The following DEPDC1B variants were observed in gnomAD, a reference collection of about 807,000 sequenced individuals.
The protein encoded by DEPDC1B is DEP domain containing 1B.
In DEPDC1B, 51 loss-of-function variants were observed where a neutral mutation model predicts 66.5. The observed-to-expected ratio is 0.77, with a 90% CI of 0.61 to 0.97. The LOEUF (loss-of-function observed/expected upper bound fraction) is 0.97, where lower values mean the gene tolerates loss of function less well. Among genes scored for constraint, DEPDC1B ranks in the 50% least tolerant of loss-of-function variants. DEPDC1B has a pLI of 0.00. For missense variants in DEPDC1B, 552 were observed against 637.1 expected (o/e 0.87, Z 1.44); for synonymous variants, 226 against 223.6 (o/e 1.01, Z -0.10).
At position 60,700,076 on chromosome 5, in the gene DEPDC1B, C is replaced by G. The variant is rs756907574; in HGVS notation, c.18G>C (p.Val6=). 1.9e-6 allele frequency: 3 copies of G among 1,557,782 alleles called. No homozygotes were observed. Among genetic ancestry groups the G allele is most frequent in the South Asian group, 1.2e-5 (1 of 84,620 alleles). MEHRI[V]GPGPYRATRL... ...TGGTAGCTCGGTACGGCCCGGGCCC[C>G]ACGATGCGATGCTCCATGGCGCGTA... The change falls in exon 1 of 11, where the codon GTG becomes GTC. Residue 6 remains valine (V), a synonymous_variant. Transcript: ENST00000265036.
chr5:60,630,231 T>C (rs1179595184), intron 7 of DEPDC1B, among the ~76,000 whole-genome samples: 1 of 152,240 alleles, frequency 6.6e-6, no homozygotes, highest in Non-Finnish European at 1.5e-5. Flanking sequence ...TCAGATGTTC[T>C]TTCAAAAAAT....
chr5:60,612,667 T>C lies in DEPDC1B; in HGVS notation c.899-6811A>G, dbSNP rs1016761432. Reference sequence around the variant, plus strand: ...AACACACAGAAGTATTTATAGGTGATAGAACATTTGATTAGCAATTTACTT... The same window carrying C: ...AACACACAGAAGTATTTATAGGTGACAGAACATTTGATTAGCAATTTACTT... On this transcript the variant is annotated intron_variant, in intron 7 of 10. Transcript: ENST00000265036. Among the ~76,000 whole-genome samples the C allele has an allele frequency of 8.5e-5, 12 of 141,626 alleles. No homozygotes were observed. The South Asian group carries it at 1.3e-3, about 16-fold the overall frequency. The allele number at this position is 141,626 out of a possible 152,430, so 92.9% of individuals were successfully genotyped here.
Position 60,687,238 on chromosome 5 carries a change from G to A in DEPDC1B, c.49-11C>T. 6.3e-7 allele frequency: 1 copy of A among 1,594,088 alleles called. No homozygotes were observed. The highest frequency in any genetic ancestry group is 8.6e-7 in the Non-Finnish European group (1 of 1,165,898). ...CACGGTCTCATTCCACTAGGGGAAA[G>A]AAAGAGAATGGCATTTAGTAATCAA... is the stretch of plus-strand genomic sequence containing the variant. On this transcript the variant is annotated splice_polypyrimidine_tract_variant and intron_variant, in intron 1 of 10. Transcript: ENST00000265036.
chr5:60,635,088 C>T (rs1753015379), intron 7 of DEPDC1B, among the ~76,000 whole-genome samples: 2 of 150,890 alleles, frequency 1.3e-5, no homozygotes, highest in African/African-American at 4.9e-5. Context: ...AAAACTCCGG[C>T]CATAAGCCCT....
chr5:60,696,657 C>A (rs1393145838), intron 1 of DEPDC1B, among the ~76,000 whole-genome samples: 1 of 151,948 alleles, frequency 6.6e-6, no homozygotes. Flanking sequence ...ATCTTTACAA[C>A]AAATGGAACA....
intron 2 of DEPDC1B, among the ~76,000 whole-genome samples, chr5:60,660,455 C>A (rs1020230261): frequency 3.9e-5 from 6 of 152,126 alleles, no homozygotes; most frequent in African/African-American, 1.4e-4. Context: ...CACTCCAATA[C>A]CACTTTGTTG....
At chr5:60,627,809 A>T (rs1752836368) in intron 7 of DEPDC1B, among the ~76,000 whole-genome samples, 1 of 151,860 alleles carries the variant, frequency 6.6e-6, no homozygotes, top group Admixed American at 6.6e-5. Context: ...TTTTCAAAAT[A>T]AAAAAAAGAT....
intron 2 of DEPDC1B, among the ~76,000 whole-genome samples, chr5:60,675,015 G>A (rs763165528): frequency 1.3e-5 from 2 of 152,086 alleles, no homozygotes; most frequent in Non-Finnish European, 2.9e-5. Context: ...AGTCCACCAC[G>A]TCTGTCACAG....
intron 7 of DEPDC1B, among the ~76,000 whole-genome samples, chr5:60,613,860 T>C (rs1752477444): frequency 1.3e-5 from 2 of 150,302 alleles, no homozygotes; most frequent in Admixed American, 6.6e-5. Flanking sequence ...GGGTCATTGT[T>C]TTGCCATTAA....
intron 2 of DEPDC1B, among the ~76,000 whole-genome samples, chr5:60,654,612 C>G (rs564783978): frequency 6.7e-6 from 1 of 148,720 alleles, no homozygotes; most frequent in Admixed American, 6.7e-5. Flanking sequence ...ATTTGGATGC[C>G]TTTATTTCTT....
At chr5:60,620,040 A>G (rs1010508275) in intron 7 of DEPDC1B, among the ~76,000 whole-genome samples, 1 of 152,218 alleles carries the variant, frequency 6.6e-6, no homozygotes, top group Non-Finnish European at 1.5e-5. Flanking sequence ...GAAATGGGGA[A>G]ATGATTCCCT....
chr5:60,686,936 C>T, intron 2 of DEPDC1B, 26 bp downstream of exon 2: 1 of 1,611,218 alleles, frequency 6.2e-7, no homozygotes, highest in Non-Finnish European at 8.5e-7. Context: ...AATTCCTCAC[C>T]TTCCAGGTTT....
At chr5:60,614,524 T>G (rs1253643661) in intron 7 of DEPDC1B, among the ~76,000 whole-genome samples, 1 of 152,196 alleles carries the variant, frequency 6.6e-6, no homozygotes, top group African/African-American at 2.4e-5. Flanking sequence ...TTATATTTGT[T>G]TATGTTTCTA....
chr5:60,673,085 T>G, intron 2 of DEPDC1B, among the ~76,000 whole-genome samples: 1 of 152,140 alleles, frequency 6.6e-6, no homozygotes, highest in Non-Finnish European at 1.5e-5. Context: ...TAATAATACC[T>G]AACTTGTTTA....
At chr5:60,612,333 G>A (rs1752429443) in intron 7 of DEPDC1B, among the ~76,000 whole-genome samples, 2 of 151,388 alleles carry the variant, frequency 1.3e-5, no homozygotes, top group African/African-American at 4.9e-5. Context: ...TGAGGCAGGA[G>A]AATTGCTTGA....
chr5:60,634,551 A>T (rs1005590152), intron 7 of DEPDC1B, among the ~76,000 whole-genome samples: 15 of 152,146 alleles, frequency 9.9e-5, no homozygotes, highest in African/African-American at 3.6e-4. Flanking sequence ...GGGTGCCTGT[A>T]GTCCCAGCTA....
chr5:60,638,993 GACATAT>G, intron 6 of DEPDC1B, 103 bp from the exon 7 acceptor site: 1 of 1,356,076 alleles, frequency 7.4e-7, no homozygotes, highest in East Asian at 2.6e-5. Context: ...TCAGATATTT[GACATAT>G]ACAGAAAAGT....
intron 7 of DEPDC1B, among the ~76,000 whole-genome samples, chr5:60,624,656 G>T (rs1285332937): frequency 6.6e-6 from 1 of 152,084 alleles, no homozygotes; most frequent in Non-Finnish European, 1.5e-5. Context: ...AGAAAACTTA[G>T]TACAATTTCA....
intron 2 of DEPDC1B, among the ~76,000 whole-genome samples, chr5:60,664,435 C>A (rs999664426): frequency 6.6e-5 from 10 of 152,302 alleles, no homozygotes; most frequent in African/African-American, 2.4e-4. Flanking sequence ...TGTCAGACAA[C>A]CATTTGCTTA....
Sources: allele counts gnomAD v4.1 joint callset (sites outside exome capture counted in the v4.1 genomes callset), GRCh38; gene constraint gnomAD v4.1.1; transcripts MANE v1.5; gene names NCBI Gene and HGNC (gene_info 2026-07-23, HGNC 2026-07-21).